SPAG16: variants seen among roughly 807,000 people sequenced by gnomAD.
SPAG16 encodes sperm-associated antigen 16 protein.
A neutral mutation model predicts 80.4 loss-of-function variants in SPAG16; 86 were observed. The observed-to-expected ratio is 1.07, with a 90% CI of 0.90 to 1.28. The LOEUF (loss-of-function observed/expected upper bound fraction) is 1.28. Ranked by LOEUF, SPAG16 falls within the 50% of genes most tolerant of loss-of-function variation. The pLI is 0.00. For synonymous variants in SPAG16, 294 were observed against 265.9 expected, an observed-to-expected ratio of 1.11 and a Z score of -1.03; for missense variants, 870 against 765.3, an observed-to-expected ratio of 1.14 and a Z score of -1.61.
At chr2:213,747,085 A>G (rs2067859976) in intron 10 of SPAG16, among the ~76,000 whole-genome samples, 1 of 152,222 alleles carries the variant, frequency 6.6e-6, no homozygotes, top group Admixed American at 6.5e-5. Context: ...ATGTGGATGT[A>G]GAAGACAGTG....
intron 10 of SPAG16, among the ~76,000 whole-genome samples, chr2:213,746,165 A>G (rs1026154053): frequency 3.3e-5 from 5 of 152,320 alleles, no homozygotes; most frequent in African/African-American, 9.6e-5. Flanking sequence ...TTGAAACCAA[A>G]TATGTATTTT....
chr2:214,090,446 A>G (rs886941470), intron 13 of SPAG16, among the ~76,000 whole-genome samples: 5 of 151,796 alleles, frequency 3.3e-5, no homozygotes, highest in African/African-American at 1.2e-4. Context: ...AGGCACCTTC[A>G]CTGTATGTCA....
chr2:213,621,900 A>T (rs79833778), intron 10 of SPAG16, among the ~76,000 whole-genome samples: 9,298 of 152,248 alleles, frequency 0.061, 930 homozygotes, highest in African/African-American at 0.21. Context: ...TTGGGTGGGA[A>T]CCAGGACTAC....
chr2:214,018,291 C>T (rs959940874), intron 13 of SPAG16, among the ~76,000 whole-genome samples: 1 of 151,962 alleles, frequency 6.6e-6, no homozygotes, highest in African/African-American at 2.4e-5. Flanking sequence ...TTAAATCACC[C>T]AGGTTTTAAA....
intron 13 of SPAG16, among the ~76,000 whole-genome samples, chr2:214,098,473 G>T (rs888211140): frequency 1.3e-5 from 2 of 152,002 alleles, no homozygotes; most frequent in African/African-American, 4.8e-5. Context: ...TTAGGACACA[G>T]ATAGACACAG....
chr2:214,200,060 T>A (rs1355282235), intron 15 of SPAG16, among the ~76,000 whole-genome samples: 1 of 152,120 alleles, frequency 6.6e-6, no homozygotes, highest in Non-Finnish European at 1.5e-5. Flanking sequence ...CAACAGTTTG[T>A]CTTCCTCTCT....
chr2:214,118,068 T>C (rs772872913), intron 14 of SPAG16, among the ~76,000 whole-genome samples: 140 of 152,164 alleles, frequency 9.2e-4, no homozygotes, highest in Non-Finnish European at 1.3e-3. Context: ...AATTGTCTCT[T>C]TTTACAGATG....
At chr2:214,328,575 A>T (rs1437137436) in intron 15 of SPAG16, among the ~76,000 whole-genome samples, 12 of 152,214 alleles carry the variant, frequency 7.9e-5, no homozygotes, top group Admixed American at 7.2e-4. Flanking sequence ...AAAGATAGAA[A>T]TTACACACTT....
intron 10 of SPAG16, among the ~76,000 whole-genome samples, chr2:213,755,406 TA>T (rs529644957): frequency 4.1e-4 from 62 of 152,196 alleles, no homozygotes; most frequent in Non-Finnish European, 7.9e-4. Flanking sequence ...CATTGTTTAT[TA>T]AAAAAATAAA....
At chr2:213,905,970 A>C (rs36064138) in intron 11 of SPAG16, among the ~76,000 whole-genome samples, 52,004 of 152,020 alleles carry the variant, frequency 0.34, 9,361 homozygotes, top group South Asian at 0.47. Flanking sequence ...GTTGTCTAGC[A>C]CATTGTAATC....
At chr2:214,027,076 G>C (rs1220006839) in intron 13 of SPAG16, among the ~76,000 whole-genome samples, 1 of 151,290 alleles carries the variant, frequency 6.6e-6, no homozygotes, top group Non-Finnish European at 1.5e-5. Context: ...TATCACACAA[G>C]TAAAACACTA....
chr2:213,297,421 A>G (rs1163299434), intron 3 of SPAG16, 64 bp downstream of exon 3: 3 of 944,358 alleles, frequency 3.2e-6, no homozygotes, highest in East Asian at 5.0e-5. Context: ...TGAAGTTTGG[A>G]AAGTCTTTTA....
rs370549412 is a variant in SPAG16, at chr2:213,407,415, G to A, written c.942+32296G>A. ...CAAGGTGAGACACCCCCTGGTTTACGGGGTTGAGCCTTCCGGGACAGGCAA... is the reference window on the plus strand; with the variant it reads ...CAAGGTGAGACACCCCCTGGTTTACAGGGTTGAGCCTTCCGGGACAGGCAA... On this transcript the variant is annotated intron_variant, in intron 9 of 15. Coordinates refer to ENST00000331683, the MANE Select transcript of SPAG16 (RefSeq NM_024532.5). Among the ~76,000 whole-genome samples, 3 of 152,048 alleles carry A rather than the reference G, an allele frequency of 2.0e-5. No individual in the cohort carries two copies. The South Asian group carries it at 6.2e-4, about 32-fold the overall frequency.
chr2:214,407,231 T>C (rs2126157451), intron 15 of SPAG16, among the ~76,000 whole-genome samples: 1 of 152,220 alleles, frequency 6.6e-6, no homozygotes, highest in East Asian at 1.9e-4. Context: ...AATGTGTGTA[T>C]TCATAAATTG....
intron 15 of SPAG16, among the ~76,000 whole-genome samples, chr2:214,228,491 T>C (rs1239558816): frequency 6.6e-6 from 1 of 151,888 alleles, no homozygotes. Flanking sequence ...AGCCAAATTA[T>C]TTTCATATCT....
At chr2:214,045,041 C>T (rs926402903) in intron 13 of SPAG16, among the ~76,000 whole-genome samples, 1 of 152,210 alleles carries the variant, frequency 6.6e-6, no homozygotes, top group African/African-American at 2.4e-5. Context: ...GCACATTGAC[C>T]TACTGAGACA....
intron 12 of SPAG16, among the ~76,000 whole-genome samples, chr2:213,985,981 A>T (rs1398269027): frequency 6.6e-6 from 1 of 152,078 alleles, no homozygotes; most frequent in African/African-American, 2.4e-5. Flanking sequence ...TATATGAAGG[A>T]ATGAGAAAAA....
At chr2:213,702,397 C>T (rs917105072) in intron 10 of SPAG16, among the ~76,000 whole-genome samples, 4 of 152,188 alleles carry the variant, frequency 2.6e-5, no homozygotes, top group Non-Finnish European at 5.9e-5. Context: ...TGGGTCCATG[C>T]AGCATTTATG....
At chr2:214,079,615 G>A (rs1243799170) in intron 13 of SPAG16, among the ~76,000 whole-genome samples, 1 of 152,186 alleles carries the variant, frequency 6.6e-6, no homozygotes, top group African/African-American at 2.4e-5. Flanking sequence ...TGAAATGGCA[G>A]TGCTTAGGGC....
Sources: gnomAD v4.1 joint callset for allele counts (sites outside exome capture counted in the v4.1 genomes callset) on GRCh38, gnomAD v4.1.1 for gene constraint, MANE v1.5 for transcripts, NCBI Gene and HGNC (gene_info 2026-07-23, HGNC 2026-07-21) for gene names.